SCNN1A: variants seen among roughly 807,000 people sequenced by gnomAD.
SCNN1A encodes the protein epithelial sodium channel subunit alpha.
Under a neutral mutation model 68.6 loss-of-function variants are expected in SCNN1A, and 65 were observed. That is an observed-to-expected ratio of 0.95 (90% CI 0.78 to 1.16). The LOEUF is 1.16. SCNN1A is among the 50% of genes most tolerant of loss of function. The pLI, the probability that SCNN1A is intolerant of heterozygous loss-of-function variation, is 0.00. For missense variants in SCNN1A, 880 were observed against 865.9 expected, an observed-to-expected ratio of 1.02 and a Z score of -0.20; for synonymous variants, 357 against 353.3, an observed-to-expected ratio of 1.01 and a Z score of -0.12.
intron 4 of SCNN1A, among the ~76,000 whole-genome samples, chr12:6,360,504 C>T (rs1022915053): frequency 2.0e-5 from 3 of 152,208 alleles, no homozygotes; most frequent in Non-Finnish European, 4.4e-5. Context: ...CAGGTGTGGG[C>T]GGACTCAGGC....
At chr12:6,352,639 C>G (rs891962966) in intron 8 of SCNN1A, among the ~76,000 whole-genome samples, 1 of 152,218 alleles carries the variant, frequency 6.6e-6, no homozygotes, top group Admixed American at 6.5e-5. Context: ...ACATCCTCCC[C>G]CTGGACCTTA....
chr12:6,348,336 AG>A, intron 12 of SCNN1A, 83 bp from the exon 13 acceptor site: 1 of 1,604,632 alleles, frequency 6.2e-7, no homozygotes, highest in Non-Finnish European at 8.5e-7. Flanking sequence ...CTCCTCACCA[AG>A]CTGTCTCCCT....
chr12:6,363,371 C>A, intron 3 of SCNN1A, 72 bp downstream of exon 3: 1 of 1,359,142 alleles, frequency 7.4e-7, no homozygotes, highest in African/African-American at 1.5e-5. Flanking sequence ...AGGAAAGGAG[C>A]GGAGCCCATG....
At chr12:6,348,699 T>C (rs72657548) in intron 12 of SCNN1A, 28 bp downstream of exon 12, 6 of 1,594,206 alleles carry the variant, frequency 3.8e-6, no homozygotes, top group Non-Finnish European at 5.2e-6. Context: ...CCCCAGAGCA[T>C]CACAGGCTCC....
chr12:6,377,285 G>T, upstream of SCNN1A: 1 of 1,549,688 alleles, frequency 6.5e-7, no homozygotes, highest in Non-Finnish European at 8.7e-7. Context: ...CCCTTGGAAG[G>T]GACAGCTGGA....
chr12:6,374,282 G>T lies in SCNN1A; in HGVS notation c.416+86C>A. 1.4e-6 allele frequency: 2 copies of T among 1,434,680 alleles called. No individual in the cohort carries two copies. Among genetic ancestry groups the T allele is most frequent in the South Asian group, 1.3e-5 (1 of 77,876 alleles). 88.9% of individuals were successfully genotyped at this position (1,434,680 alleles called of 1,614,324 possible). ...GTCAGTTCCCACCCTCAGGTCTGAG[G>T]CTCTGCCTGCCCAGTGAGCACCTCA... is the stretch of plus-strand genomic sequence containing the variant. On this transcript the variant is annotated intron_variant, in intron 2 of 12. Coordinates refer to ENST00000228916, the MANE Select transcript of SCNN1A (RefSeq NM_001038.6). This position sits in a 1 kb window ranked among gnomAD's most constrained non-coding sequence, Gnocchi z 6.2.
chr12:6,374,346 AG>A lies in SCNN1A; in HGVS notation c.416+21del. 1.2e-6 allele frequency: 2 copies of A among 1,612,372 alleles called. No homozygotes were observed. Among genetic ancestry groups the A allele is most frequent in the East Asian group, 2.2e-5 (1 of 44,840 alleles). ...CCCTTCCAGGCGCAGGCACCAGGGA[AG>A]GGGCAGAGGGACTAACCGACCTGTA... On this transcript the variant is annotated intron_variant, in intron 2 of 12. Coordinates refer to ENST00000228916, the MANE Select transcript of SCNN1A (RefSeq NM_001038.6). This position sits in a 1 kb window ranked among gnomAD's most constrained non-coding sequence, Gnocchi z 6.2.
intron 4 of SCNN1A, among the ~76,000 whole-genome samples, 172 bp downstream of exon 4, chr12:6,361,879 G>A (rs962441485): frequency 4.6e-5 from 7 of 152,244 alleles, no homozygotes; most frequent in Non-Finnish European, 8.8e-5. Flanking sequence ...GAGTTCGTAG[G>A]GCGCTCTCTG....
intron 4 of SCNN1A, among the ~76,000 whole-genome samples, chr12:6,357,745 C>T (rs1189875244): frequency 6.6e-6 from 1 of 152,062 alleles, no homozygotes; most frequent in African/African-American, 2.4e-5. Flanking sequence ...CGCCTGTAAT[C>T]CCAGCACTTT....
intron 2 of SCNN1A, among the ~76,000 whole-genome samples, chr12:6,368,894 C>A (rs751530613): frequency 1.3e-5 from 2 of 152,198 alleles, no homozygotes; most frequent in Non-Finnish European, 2.9e-5. Flanking sequence ...ATGGGCATAA[C>A]ACTAGATCTG....
chr12:6,363,457 TCTTCCAGTC>T lies in SCNN1A; in HGVS notation c.661_669del (p.Asp221_Lys223del), dbSNP rs1290235475. 6.3e-7 allele frequency: 1 copy of T among 1,592,902 alleles called. No homozygotes were observed. Among genetic ancestry groups the T allele is most frequent in the Admixed American group, 1.7e-5 (1 of 57,816 alleles). On this transcript the variant is annotated inframe_deletion, in exon 3 of 13. Coordinates refer to ENST00000228916, the MANE Select transcript of SCNN1A (RefSeq NM_001038.6). Reference sequence around the variant, plus strand: ...GCGGGCCTCACCAGCTGGAAGCCGATCTTCCAGTCCTTCCAGTCCACCTGGGGGTTGTTG... The same window carrying T: ...GCGGGCCTCACCAGCTGGAAGCCGATCTTCCAGTCCACCTGGGGGTTGTTG...
chr12:6,375,036 G>A, intron 1 of SCNN1A, 199 bp from the exon 2 acceptor site: 14 of 1,539,704 alleles, frequency 9.1e-6, no homozygotes, highest in Non-Finnish European at 1.2e-5. Context: ...ACCTGCGGGA[G>A]TTGGGGCCAA....
intron 2 of SCNN1A, among the ~76,000 whole-genome samples, chr12:6,369,833 C>CAAAAAA (rs397850777): frequency 1.1e-5 from 1 of 93,626 alleles, no homozygotes. Flanking sequence ...GACTCTGTCT[C>CAAAAAA]AAAAAAAAAA....
intron 8 of SCNN1A, 44 bp from the exon 9 acceptor site, chr12:6,349,449 T>C: frequency 7.1e-7 from 1 of 1,407,200 alleles, no homozygotes; most frequent in Non-Finnish European, 9.9e-7. Context: ...GCACCTCAGC[T>C]TTCTCTACCC....
rs1000904281 is a variant in SCNN1A, at chr12:6,355,657, C to A, written c.979+120G>T. 5 of 914,792 alleles carry A rather than the reference C, an allele frequency of 5.5e-6. No homozygotes were observed. The African/African-American group carries it at 6.5e-5, about 12-fold the overall frequency. The allele number at this position is 914,792 out of a possible 1,614,324, so 56.7% of individuals were successfully genotyped here. ...CATGCCTGGAACGGACTATGTGGCA[C>A]CTATTGGGGAGAGACAGCAGGCAGG... On this transcript the variant is annotated intron_variant, in intron 5 of 12. Coordinates refer to ENST00000228916, the MANE Select transcript of SCNN1A (RefSeq NM_001038.6).
Position 6,354,087 on chromosome 12 carries a change from T to G in SCNN1A, c.1360+351A>C, listed in dbSNP as rs559687147. On this transcript the variant is annotated intron_variant, in intron 8 of 12. Transcript: ENST00000228916. ...CTACTAAAAATACCAAAAAATTAGC[T>G]GGGCGTGGTGGCGGGTGCCTGTAGT... Among the ~76,000 whole-genome samples the G allele has an allele frequency of 7.3e-5, 11 of 151,374 alleles. No individual in the cohort carries two copies. The South Asian group carries it at 2.3e-3, about 32-fold the overall frequency.
intron 2 of SCNN1A, among the ~76,000 whole-genome samples, chr12:6,368,350 C>T (rs755116655): frequency 3.7e-4 from 56 of 152,280 alleles, no homozygotes; most frequent in Middle Eastern, 3.4e-3. Context: ...ACACCCCCGG[C>T]GTTTGCCTTA....
intron 6 of SCNN1A, 43 bp from the exon 7 acceptor site, chr12:6,354,891 T>C: frequency 1.3e-6 from 2 of 1,481,784 alleles, no homozygotes; most frequent in South Asian, 2.3e-5. Context: ...ACAGAGCAAG[T>C]GCCTCTGGGT....
chr12:6,349,041 C>T (rs1449512516), intron 10 of SCNN1A, 36 bp from the exon 11 acceptor site: 3 of 1,612,498 alleles, frequency 1.9e-6, no homozygotes, highest in East Asian at 4.5e-5. Context: ...AGGTCACTCC[C>T]ATATGCTTCA....
Sources: gnomAD v4.1 joint callset for allele counts (sites outside exome capture counted in the v4.1 genomes callset) on GRCh38, gnomAD v4.1.1 for gene constraint, Gnocchi (gnomAD v3.1) non-coding constraint, MANE v1.5 for transcripts, NCBI Gene and HGNC (gene_info 2026-07-23, HGNC 2026-07-21) for gene names.